Variants in OXSR1 observed in about 807,000 individuals in gnomAD.
OXSR1 encodes the protein serine/threonine-protein kinase OSR1.
A neutral mutation model predicts 79.8 loss-of-function variants in OXSR1; 24 were observed. The ratio of observed to expected loss-of-function variants is 0.30; its 90% CI spans 0.22 to 0.42. The LOEUF is 0.42. OXSR1 is among the 10% of genes least tolerant of loss of function. The pLI is 1.00. For synonymous variants in OXSR1, 226 were observed against 209.2 expected (o/e 1.08, Z -0.69); for missense variants, 430 against 618.4 (o/e 0.70, Z 3.23).
At chr3:38,190,687 T>C in intron 2 of OXSR1, 44 bp from the exon 3 acceptor site, 1 of 1,105,914 alleles carries the variant, frequency 9.0e-7, no homozygotes, top group Non-Finnish European at 1.4e-6. Flanking sequence ...ACATTTGTTT[T>C]AGGCTTGCAT....
chr3:38,254,635 G>C lies in OXSR1; in HGVS notation c.*1744G>C, dbSNP rs1468192912. 3.4e-5 allele frequency: 6 copies of C among 175,958 alleles called. No homozygotes were observed. In the East Asian group the frequency reaches 8.3e-4, roughly 24 times the overall value. The allele number at this position is 175,958 out of a possible 1,614,324, so 10.9% of individuals were successfully genotyped here. On this transcript the variant is annotated 3_prime_UTR_variant, in exon 18 of 18. Coordinates refer to ENST00000311806, the MANE Select transcript of OXSR1 (RefSeq NM_005109.3). ...AGGGGGGACGGAGAGGAACAAGGAT[G>C]GGGAGGTAGGAATGAGGTATAGAAA...
At chr3:38,169,439 G>A (rs148066147) in intron 1 of OXSR1, among the ~76,000 whole-genome samples, 7 of 152,046 alleles carry the variant, frequency 4.6e-5, no homozygotes, top group African/African-American at 1.7e-4. Context: ...CTGAGTAGCT[G>A]GGGTTATAGG....
At chr3:38,178,415 A>G (rs985140837) in intron 1 of OXSR1, among the ~76,000 whole-genome samples, 11 of 152,006 alleles carry the variant, frequency 7.2e-5, no homozygotes, top group African/African-American at 1.7e-4. Flanking sequence ...GTCGAATTAT[A>G]TAGTTATATG....
At chr3:38,178,151 A>G (rs979235278) in intron 1 of OXSR1, among the ~76,000 whole-genome samples, 8 of 152,206 alleles carry the variant, frequency 5.3e-5, no homozygotes, top group Admixed American at 4.6e-4. Context: ...GGGATTCGCC[A>G]TGTTGGCCAG....
intron 12 of OXSR1, among the ~76,000 whole-genome samples, chr3:38,244,038 G>A (rs1002557507): frequency 1.3e-5 from 2 of 152,206 alleles, no homozygotes; most frequent in Non-Finnish European, 2.9e-5. Flanking sequence ...TAGACTTGAA[G>A]TGTGTCCAAT....
At chr3:38,183,188 A>G (rs992208135) in intron 2 of OXSR1, 73 bp downstream of exon 2, 107 of 648,992 alleles carry the variant, frequency 1.6e-4, no homozygotes, top group Non-Finnish European at 2.4e-4. Flanking sequence ...AATAACTTGA[A>G]GTTTTTGATT....
chr3:38,224,228 A>G (rs1559519601), intron 7 of OXSR1, among the ~76,000 whole-genome samples: 1 of 152,186 alleles, frequency 6.6e-6, no homozygotes, highest in Non-Finnish European at 1.5e-5. Context: ...ACTACTCTCA[A>G]TACCTCATAT....
intron 3 of OXSR1, 83 bp from the exon 4 acceptor site, chr3:38,198,639 C>G: frequency 1.0e-6 from 1 of 998,200 alleles, no homozygotes; most frequent in African/African-American, 1.6e-5. Flanking sequence ...TGAGAAGGTT[C>G]ACATGTGTTT....
intron 5 of OXSR1, 64 bp downstream of exon 5, chr3:38,216,215 A>T (rs1264977990): frequency 5.9e-6 from 6 of 1,023,028 alleles, no homozygotes; most frequent in Non-Finnish European, 4.5e-6. Flanking sequence ...CTTATCTTTT[A>T]TGTTTCCTTA....
At chr3:38,236,073 A>G (rs1293228532) in intron 10 of OXSR1, among the ~76,000 whole-genome samples, 1 of 152,226 alleles carries the variant, frequency 6.6e-6, no homozygotes, top group African/African-American at 2.4e-5. Flanking sequence ...AACAGCTGAG[A>G]GAATAAATAC....
At position 38,236,926 on chromosome 3, in the gene OXSR1, A is replaced by G; in HGVS notation, c.1039A>G (p.Ser347Gly). Residue 347 changes from serine (S) to glycine (G), a missense_variant, in exon 11 of 18, where the codon AGT becomes GGT. Physicochemically the swap from Ser to Gly is moderately conservative, Grantham distance 56 (BLOSUM62 0). This residue lies in a region of OXSR1 where 276 missense variants were observed against 354.2 expected (regional missense o/e 0.78). Coordinates refer to ENST00000311806, the MANE Select transcript of OXSR1 (RefSeq NM_005109.3). ...EWSDDEFDEE[S>G]EEGKAAISQL... ...GAGTGATGATGAATTTGATGAAGAA[A>G]GTGAGGAAGGGAAAGCAGCAATTTC... The G allele has an allele frequency of 6.2e-7, 1 of 1,612,784 alleles. No homozygotes were observed. Among genetic ancestry groups the G allele is most frequent in the Non-Finnish European group, 8.5e-7 (1 of 1,179,124 alleles).
intron 1 of OXSR1, among the ~76,000 whole-genome samples, chr3:38,168,555 A>G (rs966956059): frequency 7.2e-5 from 11 of 152,246 alleles, no homozygotes; most frequent in Non-Finnish European, 1.5e-5. Flanking sequence ...CCTGATTAAA[A>G]TGTACAATTC....
Position 38,224,618 on chromosome 3 carries a change from T to C in OXSR1, c.750T>C (p.Gly250=). ...ACGATCCTCCTTCTTTGGAAACTGG[T>C]GTTCAAGATAAAGAAATGCTGAAAA... is the stretch of plus-strand genomic sequence containing the variant. The part of the protein sequence containing the change: ...LQNDPPSLET[G]VQDKEMLKKY... Residue 250 remains glycine, a synonymous_variant, in exon 8 of 18, where the codon GGT becomes GGC. Coordinates refer to ENST00000311806, the MANE Select transcript of OXSR1 (RefSeq NM_005109.3). The C allele has an allele frequency of 6.3e-7, 1 of 1,595,602 alleles. No individual in the cohort carries two copies. The highest frequency in any genetic ancestry group is 8.5e-7 in the Non-Finnish European group (1 of 1,172,426).
chr3:38,213,197 C>T (rs145834924), intron 4 of OXSR1, among the ~76,000 whole-genome samples: 71 of 152,222 alleles, frequency 4.7e-4, no homozygotes, highest in African/African-American at 1.6e-3. Flanking sequence ...GTGTATGGTA[C>T]AAAATAAGTC....
chr3:38,215,540 C>T (rs901414742), intron 4 of OXSR1, among the ~76,000 whole-genome samples: 7 of 152,130 alleles, frequency 4.6e-5, no homozygotes, highest in Non-Finnish European at 1.5e-5. Flanking sequence ...GTTAACCAGA[C>T]TGATAATAGT....
chr3:38,198,717 T>A lies in OXSR1; in HGVS notation c.293-5T>A, dbSNP rs772512343. ...TTTTTAGAAAATTATGTCTTCTGTT[T>A]TCAGGTTCTGTTCTGGATATTATTA... On this transcript the variant is annotated splice_region_variant and splice_polypyrimidine_tract_variant and intron_variant, in intron 3 of 17. Coordinates refer to ENST00000311806, the MANE Select transcript of OXSR1 (RefSeq NM_005109.3). The A allele has an allele frequency of 6.2e-7, 1 of 1,606,248 alleles. No individual in the cohort carries two copies. The highest frequency in any genetic ancestry group is 1.1e-5 in the South Asian group (1 of 90,434).
rs955037886 is a variant in OXSR1 at position 38,165,554 on chromosome 3, G to A, written c.-323G>A. 3 of 358,764 alleles carry A rather than the reference G, an allele frequency of 8.4e-6. No homozygotes were observed. The highest frequency in any genetic ancestry group is 1.5e-5 in the Non-Finnish European group (3 of 198,108). 22.2% of individuals were successfully genotyped at this position (358,764 alleles called of 1,614,324 possible). A position where few individuals can be genotyped will look rare whatever the true frequency, so the allele number is the denominator to read the frequency against. On this transcript the variant is annotated 5_prime_UTR_variant, in exon 1 of 18. Transcript: ENST00000311806. The stretch of plus-strand genomic sequence containing the variant: ...GAAAGTTTGGCCCGTGCGTGGGGCT[G>A]GGGTGGAGGGCGGGACAGAGGGGCT...
At chr3:38,236,344 A>G (rs1702918061) in intron 10 of OXSR1, among the ~76,000 whole-genome samples, 1 of 152,198 alleles carries the variant, frequency 6.6e-6, no homozygotes, top group Admixed American at 6.5e-5. Context: ...AAGATTAGCT[A>G]AAATGAGTTG....
In OXSR1 at chr3:38,178,395, A is replaced by G. The variant is rs533242725; in HGVS notation, c.71-4608A>G. 1.6e-3 allele frequency among the ~76,000 whole-genome samples: 251 copies of G among 152,260 alleles called. 1 individual carries two copies. Among genetic ancestry groups the G allele is most frequent in the African/African-American group, 5.9e-3 (247 of 41,564 alleles). ...TTTTCAAATGGATTTAAATGTAACA[A>G]ACAAATTCTGTCGAATTATATAGTT... On this transcript the variant is annotated intron_variant, in intron 1 of 17. Transcript: ENST00000311806.
Sources: gnomAD v4.1 joint callset for allele counts (sites outside exome capture counted in the v4.1 genomes callset) on GRCh38, gnomAD v4.1.1 for gene constraint, gnomAD v4.1.1 regional missense constraint, MANE v1.5 for transcripts, NCBI Gene and HGNC (gene_info 2026-07-23, HGNC 2026-07-21) for gene names.